The following TIAM1 variants were observed in gnomAD, a reference collection of about 807,000 sequenced individuals.
The protein encoded by TIAM1 is TIAM Rac1 associated GEF 1.
TIAM1 carries 65 observed loss-of-function variants against 163.5 expected under a neutral mutation model. The observed-to-expected ratio is 0.40, with a 90% CI of 0.33 to 0.49. The LOEUF (loss-of-function observed/expected upper bound fraction) is 0.49, where lower values mean the gene tolerates loss of function less well. Among genes scored for constraint, TIAM1 ranks in the 20% least tolerant of loss-of-function variants. The probability of loss-of-function intolerance (pLI) is 0.77; values close to 1 mark genes in which losing one functional copy is unlikely to be tolerated. For synonymous variants in TIAM1, 833 were observed against 810.1 expected, an observed-to-expected ratio of 1.03 and a Z score of -0.48; for missense variants, 1,789 against 2,044.7, an observed-to-expected ratio of 0.87 and a Z score of 2.41.
chr21:31,203,067 C>T (rs755763611), intron 11 of TIAM1, 55 bp from the exon 12 acceptor site: 14 of 1,362,978 alleles, frequency 1.0e-5, no homozygotes, highest in Non-Finnish European at 1.5e-5. Flanking sequence ...TAAATAGGCA[C>T]AATTAGTTCT....
intron 2 of TIAM1, among the ~76,000 whole-genome samples, chr21:31,298,006 C>T (rs1303871697): frequency 5.3e-5 from 8 of 152,116 alleles, no homozygotes; most frequent in East Asian, 1.9e-4. Context: ...ATTTGAAAAA[C>T]GTTTCTATGT....
intron 2 of TIAM1, among the ~76,000 whole-genome samples, chr21:31,402,176 G>A (rs950670936): frequency 2.0e-5 from 3 of 152,064 alleles, no homozygotes; most frequent in African/African-American, 7.2e-5. Flanking sequence ...TTGAGCCACT[G>A]CACTGCAGCC....
intron 1 of TIAM1, among the ~76,000 whole-genome samples, chr21:31,488,081 C>T (rs866493071): frequency 9.2e-5 from 14 of 152,230 alleles, no homozygotes; most frequent in Admixed American, 5.2e-4. Context: ...ACTTCGGCCT[C>T]CCGAAGTGCT....
At chr21:31,468,209 C>T (rs1278197729) in intron 1 of TIAM1, among the ~76,000 whole-genome samples, 3 of 152,112 alleles carry the variant, frequency 2.0e-5, no homozygotes, top group Non-Finnish European at 4.4e-5. Flanking sequence ...CACACAGTGG[C>T]TCACGCATGT....
chr21:31,187,060 T>C lies in TIAM1; in HGVS notation c.2603A>G (p.Asp868Gly), dbSNP rs773537860. The change falls in exon 14 of 28, where the codon GAT becomes GGT. Residue 868 changes from aspartate (D) to glycine (G), a missense_variant. Physicochemically the swap from Asp to Gly is moderately conservative, Grantham distance 94. Transcript: ENST00000541036. ...ATTCACGTACAGCCTTCGAATACCATCTTCTTCCACAGAAGAAAGTGAAAA... is the reference window on the plus strand; with the variant it reads ...ATTCACGTACAGCCTTCGAATACCACCTTCTTCCACAGAAGAAAGTGAAAA... Reference protein sequence around the residue: ...YGFSLSSVEEDGIRRLYVNSV... With the variant: ...YGFSLSSVEEGGIRRLYVNSV... 6.8e-6 allele frequency: 11 copies of C among 1,614,110 alleles called. No individual in the cohort carries two copies. The Admixed American group carries it at 1.8e-4, about 27-fold the overall frequency.
At chr21:31,210,269 T>C (rs1335942904) in intron 10 of TIAM1, 54 bp from the exon 11 acceptor site, 3 of 1,577,538 alleles carry the variant, frequency 1.9e-6, no homozygotes, top group African/African-American at 2.7e-5. Context: ...CTGACAACCC[T>C]AGATTCCCAG....
chr21:31,152,980 T>C, intron 18 of TIAM1, 86 bp downstream of exon 18: 1 of 1,348,608 alleles, frequency 7.4e-7, no homozygotes, highest in Non-Finnish European at 1.0e-6. Flanking sequence ...ATGTTTTCAG[T>C]GTTACGCATG....
chr21:31,358,463 C>T (rs2076351582), intron 2 of TIAM1, among the ~76,000 whole-genome samples: 1 of 152,098 alleles, frequency 6.6e-6, no homozygotes, highest in Admixed American at 6.6e-5. Flanking sequence ...GTGCTTTTTC[C>T]CCTAGACTCC....
rs575224413 is a variant in TIAM1 at position 31,409,316 on chromosome 21, G to A, written c.-369+54667C>T. Among the ~76,000 whole-genome samples, 378 of 151,946 alleles carry A rather than the reference G, an allele frequency of 2.5e-3. 5 individuals are homozygous for A. Among genetic ancestry groups the A allele is most frequent in the South Asian group, 0.02 (98 of 4,802 alleles). On this transcript the variant is annotated intron_variant, in intron 2 of 28. Transcript: ENST00000286827. The stretch of plus-strand genomic sequence containing the variant: ...GTAGAGACGGGGTTTCACTATGTTG[G>A]CCAGGCTGGTCTTGAACTCCTGACC...
At chr21:31,456,435 G>T (rs929326718) in intron 2 of TIAM1, among the ~76,000 whole-genome samples, 6 of 152,200 alleles carry the variant, frequency 3.9e-5, no homozygotes, top group African/African-American at 1.4e-4. Flanking sequence ...TCCCATATCC[G>T]CCTGTCACTC....
chr21:31,140,988 C>T, intron 22 of TIAM1, 130 bp downstream of exon 22: 1 of 673,780 alleles, frequency 1.5e-6, no homozygotes, highest in Non-Finnish European at 2.4e-6. Flanking sequence ...AGATGTTCCA[C>T]TAAGAAAAAC....
chr21:31,220,050 A>C (rs754090318), intron 8 of TIAM1, among the ~76,000 whole-genome samples: 3 of 152,216 alleles, frequency 2.0e-5, no homozygotes, highest in Non-Finnish European at 4.4e-5. Context: ...TAGAGGAAAA[A>C]AATGTCCATT....
intron 6 of TIAM1, among the ~76,000 whole-genome samples, chr21:31,230,039 T>C (rs2088322854): frequency 6.6e-6 from 1 of 152,182 alleles, no homozygotes; most frequent in Non-Finnish European, 1.5e-5. Context: ...GAGGCTATGG[T>C]TCCTGCACAA....
intron 2 of TIAM1, among the ~76,000 whole-genome samples, chr21:31,378,680 C>G (rs977977905): frequency 1.3e-5 from 2 of 152,182 alleles, no homozygotes; most frequent in African/African-American, 4.8e-5. Flanking sequence ...CGCTGCCACA[C>G]AATTTGGCCA....
chr21:31,344,767 T>G (rs989295673), upstream of TIAM1, among the ~76,000 whole-genome samples: 8 of 152,172 alleles, frequency 5.3e-5, no homozygotes, highest in African/African-American at 1.4e-4. Context: ...CAACATATAT[T>G]TGAAAAGAAT....
chr21:31,525,303 A>AG (rs2047740481), intron 1 of TIAM1, among the ~76,000 whole-genome samples: 1 of 150,124 alleles, frequency 6.7e-6, no homozygotes, highest in Admixed American at 6.7e-5. Context: ...CAGGAGGTAG[A>AG]GGTTGCAGTG....
At position 31,266,860 on chromosome 21, in the gene TIAM1, C is replaced by T. The variant is rs1464691556; in HGVS notation, c.113G>A (p.Arg38Lys). ...CTTCCCCGAGGAAGCGTGCCTGGTC[C>T]TCCGCGTCTTGTGCGAGAGGCGCAG... ...RSLRLSHKTR[R>K]TRHASSGKVI... The change falls in exon 4 of 28, where the codon AGG (arginine) becomes AAG (lysine). Residue 38 changes from arginine to lysine, a missense_variant. Physicochemically the swap from Arg to Lys is conservative, Grantham distance 26 (BLOSUM62 2). This residue lies in a region of TIAM1 where 555 missense variants were observed against 564.9 expected (regional missense o/e 0.98). Transcript: ENST00000541036. 1 of 1,614,178 alleles carries T rather than the reference C, an allele frequency of 6.2e-7. No homozygotes were observed. The highest frequency in any genetic ancestry group is 8.5e-7 in the Non-Finnish European group (1 of 1,180,048).
intron 2 of TIAM1, among the ~76,000 whole-genome samples, chr21:31,447,276 AT>A (rs1204364696): frequency 6.6e-6 from 1 of 151,610 alleles, no homozygotes; most frequent in Non-Finnish European, 1.5e-5. Context: ...TGGGAAAAAA[AT>A]TTTTTTTTAA....
intron 9 of TIAM1, among the ~76,000 whole-genome samples, chr21:31,214,375 T>A (rs930660762): frequency 2.0e-5 from 3 of 151,442 alleles, no homozygotes; most frequent in South Asian, 2.1e-4. Flanking sequence ...AAGAAAAATA[T>A]AAATAAAAGA....
Sources: gnomAD v4.1 joint callset for allele counts (sites outside exome capture counted in the v4.1 genomes callset) on GRCh38, gnomAD v4.1.1 for gene constraint, gnomAD v4.1.1 regional missense constraint, MANE v1.5 for transcripts, NCBI Gene and HGNC (gene_info 2026-07-23, HGNC 2026-07-21) for gene names.